ZNF608: variants seen among roughly 807,000 people sequenced by gnomAD.
ZNF608 encodes zinc finger protein 608.
In ZNF608, 12 loss-of-function variants were observed where a neutral mutation model predicts 109.0. The ratio of observed to expected loss-of-function variants is 0.11; its 90% CI spans 0.07 to 0.18. The LOEUF is 0.18. ZNF608 is among the 10% of genes least tolerant of loss of function. The pLI is 1.00. For missense variants in ZNF608, 1,707 were observed against 1,879.3 expected, an observed-to-expected ratio of 0.91 and a Z score of 1.70; for synonymous variants, 732 against 717.4, an observed-to-expected ratio of 1.02 and a Z score of -0.33.
intron 5 of ZNF608, among the ~76,000 whole-genome samples, chr5:124,645,766 C>T (rs969970331): frequency 3.9e-5 from 6 of 152,008 alleles, no homozygotes; most frequent in Non-Finnish European, 8.8e-5. Flanking sequence ...CCACCCAAAC[C>T]TCCTCACCCT....
chr5:124,676,374 T>C (rs1751946168), intron 3 of ZNF608, among the ~76,000 whole-genome samples: 2 of 152,196 alleles, frequency 1.3e-5, no homozygotes, highest in African/African-American at 4.8e-5. Context: ...CTCTTCAAGC[T>C]GTAGTTTTAA....
intron 2 of ZNF608, among the ~76,000 whole-genome samples, chr5:124,733,914 A>C (rs910887720): frequency 6.6e-6 from 1 of 152,246 alleles, no homozygotes; most frequent in African/African-American, 2.4e-5. Context: ...GTTGAAACAA[A>C]ATGAAATAAA....
At chr5:124,651,503 G>C (rs1364120292) in intron 3 of ZNF608, among the ~76,000 whole-genome samples, 1 of 152,184 alleles carries the variant, frequency 6.6e-6, no homozygotes, top group Non-Finnish European at 1.5e-5. Flanking sequence ...TTTAGCTTTA[G>C]ATCCAATAGG....
In ZNF608 at chr5:124,647,070, T is replaced by A. The variant is rs1750545806; in HGVS notation, c.3314A>T (p.Tyr1105Phe). Residue 1105 changes from tyrosine (Y) to phenylalanine (F), a missense_variant, in exon 5 of 10, where the codon TAT becomes TTT. Tyr to Phe is a conservative substitution (Grantham distance 22). Around this residue, in one of 7 missense-constraint regions of ZNF608, gnomAD observed 1,073 missense variants for 1,133.5 expected, o/e 0.95. Coordinates refer to ENST00000513986, the MANE Select transcript of ZNF608 (RefSeq NM_020747.3). Reference sequence around the variant, plus strand: ...CCTCTGGTCCTCATAGTACTTCTCATACTGCTGTCTATAGGCAGGGCTGGT... The same window carrying A: ...CCTCTGGTCCTCATAGTACTTCTCAAACTGCTGTCTATAGGCAGGGCTGGT... ...MATSPAYRQQ[Y>F]EKYYEDQRLA... 1 of 1,614,014 alleles carries A rather than the reference T, an allele frequency of 6.2e-7. No individual in the cohort carries two copies. The highest frequency in any genetic ancestry group is 1.3e-5 in the African/African-American group (1 of 74,932).
Position 124,745,188 on chromosome 5 carries a change from G to GA in ZNF608, c.-183-17dup. ...CCACCTTTTCCTGTGAAGGGGGGGG[G>GA]AAAAGTCGAATATTTCTTGTCTGGG... On this transcript the variant is annotated splice_polypyrimidine_tract_variant and intron_variant, in intron 1 of 9. Coordinates refer to ENST00000513986, the MANE Select transcript of ZNF608 (RefSeq NM_020747.3). 2 of 1,366,282 alleles carry GA rather than the reference G, an allele frequency of 1.5e-6. No homozygotes were observed. The highest frequency in any genetic ancestry group is 1.5e-5 in the African/African-American group (1 of 68,132). The allele number at this position is 1,366,282 out of a possible 1,614,324, so 84.6% of individuals were successfully genotyped here. A position where few individuals can be genotyped will look rare whatever the true frequency, so the allele number is the denominator to read the frequency against.
intron 2 of ZNF608, among the ~76,000 whole-genome samples, chr5:124,703,158 T>C (rs1395249050): frequency 6.6e-6 from 1 of 152,144 alleles, no homozygotes; most frequent in Non-Finnish European, 1.5e-5. Context: ...CAATTCGATG[T>C]CACATGTATA....
intron 3 of ZNF608, among the ~76,000 whole-genome samples, chr5:124,670,705 A>G (rs1393275575): frequency 6.6e-6 from 1 of 152,186 alleles, no homozygotes; most frequent in African/African-American, 2.4e-5. Flanking sequence ...AGAGACAGAG[A>G]AAGGAAGGAA....
chr5:124,680,395 T>C (rs1402586739), intron 3 of ZNF608, among the ~76,000 whole-genome samples: 2 of 151,536 alleles, frequency 1.3e-5, no homozygotes, highest in Non-Finnish European at 2.9e-5. Flanking sequence ...AAAGTTTATA[T>C]AATGAAGAGT....
chr5:124,639,885 C>A (rs1208229311), intron 8 of ZNF608, among the ~76,000 whole-genome samples: 1 of 152,104 alleles, frequency 6.6e-6, no homozygotes, highest in East Asian at 1.9e-4. Context: ...GATATATTTT[C>A]TTTTCCCAGA....
intron 2 of ZNF608, among the ~76,000 whole-genome samples, chr5:124,738,506 A>G (rs1180580934): frequency 6.7e-6 from 1 of 148,752 alleles, no homozygotes; most frequent in African/African-American, 2.5e-5. Flanking sequence ...AATATTAAAG[A>G]ATAGAATAAC....
chr5:124,706,289 T>C (rs1753257564), intron 2 of ZNF608, among the ~76,000 whole-genome samples: 1 of 152,206 alleles, frequency 6.6e-6, no homozygotes, highest in Non-Finnish European at 1.5e-5. Flanking sequence ...CTCATGTGAC[T>C]ACTACAGAAG....
intron 3 of ZNF608, among the ~76,000 whole-genome samples, chr5:124,666,707 CTCTGTGTGTG>C (rs1175449973): frequency 1.2e-4 from 15 of 126,732 alleles, no homozygotes; most frequent in African/African-American, 4.6e-4. Flanking sequence ...ACTGGGTTTG[CTCTGTGTGTG>C]TGTGTGTGTG....
At position 124,648,175 on chromosome 5, in the gene ZNF608, G is replaced by C; in HGVS notation, c.2209C>G (p.Pro737Ala). ...KNLSKLKSAR[P>A]IAPAPAPTPP... ...GTGGGGGCTGGGGCAGGGGCAATGG[G>C]CCGGGCACTTTTCAGTTTAGAGAGG... Residue 737 changes from proline (P) to alanine (A), a missense_variant, in exon 5 of 10, where the codon CCC becomes GCC. Pro to Ala is a conservative substitution (Grantham distance 27, BLOSUM62 -1). Transcript: ENST00000513986. 6.2e-7 allele frequency: 1 copy of C among 1,613,318 alleles called. No individual in the cohort carries two copies. Among genetic ancestry groups the C allele is most frequent in the Non-Finnish European group, 8.5e-7 (1 of 1,179,764 alleles).
At position 124,648,701 on chromosome 5, in the gene ZNF608, G is replaced by A. The variant is rs945375276; in HGVS notation, c.1683C>T (p.Asn561=). The A allele has an allele frequency of 1.2e-6, 2 of 1,614,208 alleles. No individual in the cohort carries two copies. Among genetic ancestry groups the A allele is most frequent in the South Asian group, 2.2e-5 (2 of 91,086 alleles). The change falls in exon 5 of 10, where the codon AAC becomes AAT. Residue 561 remains asparagine, a synonymous_variant. Coordinates refer to ENST00000513986, the MANE Select transcript of ZNF608 (RefSeq NM_020747.3). ...GGCCGTTAATGTGCTTGTACTTTTTGTTGCAGTTTGGGTGGGGACAGTCGA... is the reference window on the plus strand; with the variant it reads ...GGCCGTTAATGTGCTTGTACTTTTTATTGCAGTTTGGGTGGGGACAGTCGA... The part of the protein sequence containing the change: ...VLIDCPHPNC[N]KKYKHINGLR...
intron 2 of ZNF608, among the ~76,000 whole-genome samples, chr5:124,716,960 T>C (rs975465958): frequency 1.3e-5 from 2 of 151,942 alleles, no homozygotes; most frequent in African/African-American, 4.8e-5. Flanking sequence ...TGCATGCCTA[T>C]AATCCCAGCT....
chr5:124,728,936 A>T (rs1389256885), intron 2 of ZNF608, among the ~76,000 whole-genome samples: 1 of 152,152 alleles, frequency 6.6e-6, no homozygotes, highest in Non-Finnish European at 1.5e-5. Context: ...AACATAAATA[A>T]AATTCACTAT....
chr5:124,739,487 CA>C (rs761620588), intron 2 of ZNF608, among the ~76,000 whole-genome samples: 60 of 152,300 alleles, frequency 3.9e-4, no homozygotes, highest in Non-Finnish European at 5.4e-4. Context: ...TCCTTGCCTC[CA>C]GGGGGAAAAT....
chr5:124,684,467 C>T (rs1483308281), intron 3 of ZNF608, among the ~76,000 whole-genome samples: 1 of 152,116 alleles, frequency 6.6e-6, no homozygotes, highest in Non-Finnish European at 1.5e-5. Flanking sequence ...TCTTCTTTTC[C>T]CTTATAACTT....
In ZNF608 at chr5:124,648,657, T is replaced by C. The variant is rs1248460311; in HGVS notation, c.1727A>G (p.His576Arg). Residue 576 changes from histidine to arginine, a missense_variant, in exon 5 of 10, where the codon CAT (histidine) becomes CGT (arginine). By Grantham distance (29) the His-to-Arg change is conservative (BLOSUM62 0). This residue lies in a region of ZNF608 where 22 missense variants were observed against 52.2 expected (regional missense o/e 0.42). Coordinates refer to ENST00000513986, the MANE Select transcript of ZNF608 (RefSeq NM_020747.3). ...CTTGTTTTCTGGGTCTAAGTGTGCA[T>C]GAGCCTGGTGGTACCTCAGGCCGTT... ...HINGLRYHQA[H>R]AHLDPENKLE... The C allele has an allele frequency of 6.2e-7, 1 of 1,614,254 alleles. No individual in the cohort carries two copies. Among genetic ancestry groups the C allele is most frequent in the South Asian group, 1.1e-5 (1 of 91,092 alleles).
Sources: allele counts gnomAD v4.1 joint callset (sites outside exome capture counted in the v4.1 genomes callset), GRCh38; gene constraint gnomAD v4.1.1; regional missense constraint gnomAD v4.1.1; transcripts MANE v1.5; gene names NCBI Gene and HGNC (gene_info 2026-07-23, HGNC 2026-07-21).